Variants in POFUT4 observed in about 807,000 individuals in gnomAD.
POFUT4 encodes GDP-fucose protein O-fucosyltransferase 4.
the POFUT4 span, chr10:73,772,797 T>G: frequency 1.2e-6 from 2 of 1,611,546 alleles, no homozygotes; most frequent in Non-Finnish European, 1.7e-6. Flanking sequence ...AACAACTTCT[T>G]GCTGAGCCAC....
At chr10:73,776,494 C>A in the POFUT4 span, among the ~76,000 whole-genome samples, 1 of 151,802 alleles carries the variant, frequency 6.6e-6, no homozygotes, top group South Asian at 2.1e-4. Flanking sequence ...GAGTTTGAGA[C>A]CATCCTAGCA....
the POFUT4 span, among the ~76,000 whole-genome samples, chr10:73,777,648 C>G: frequency 1.3e-5 from 2 of 151,714 alleles, no homozygotes; most frequent in African/African-American, 2.4e-5. Context: ...TCTGCATTCC[C>G]AGTTCAAGTG....
the POFUT4 span, chr10:73,773,352 G>A: frequency 6.2e-7 from 1 of 1,614,184 alleles, no homozygotes; most frequent in Non-Finnish European, 8.5e-7. Context: ...CTACATGACA[G>A]AAAAACTGTG....
the POFUT4 span, chr10:73,773,172 T>A: frequency 6.3e-7 from 1 of 1,593,738 alleles, no homozygotes; most frequent in Non-Finnish European, 8.5e-7. Context: ...CATGACAGCC[T>A]TACTGTACCC....
the POFUT4 span, chr10:73,772,734 T>G: frequency 6.3e-7 from 1 of 1,596,848 alleles, no homozygotes; most frequent in Non-Finnish European, 8.5e-7. Context: ...GCCGCCCCGC[T>G]GCCGCGCCTG....
chr10:73,778,035 ATTTG>A, the POFUT4 span, among the ~76,000 whole-genome samples: 5 of 142,602 alleles, frequency 3.5e-5, no homozygotes, highest in Non-Finnish European at 7.7e-5. Context: ...ATTTTTTTGT[ATTTG>A]TTTTAGTAGA....
chr10:73,775,838 T>G, the POFUT4 span: 4 of 783,192 alleles, frequency 5.1e-6, no homozygotes, highest in African/African-American at 1.7e-5. Flanking sequence ...TTTATCTTAA[T>G]GATGAGTAGC....
chr10:73,777,176 C>T, the POFUT4 span, among the ~76,000 whole-genome samples: 2 of 152,072 alleles, frequency 1.3e-5, no homozygotes, highest in Non-Finnish European at 2.9e-5. Context: ...ATTGCCCTAT[C>T]CTCTTTTTGA....
the POFUT4 span, chr10:73,773,410 C>G: frequency 6.2e-7 from 1 of 1,614,244 alleles, no homozygotes; most frequent in Non-Finnish European, 8.5e-7. Context: ...GGTTCTCCCT[C>G]TGTGAGGGAC....
the POFUT4 span, chr10:73,779,941 C>CTTTT: frequency 6.6e-6 from 1 of 152,288 alleles, no homozygotes; most frequent in East Asian, 1.9e-4. Context: ...TACGTACTCA[C>CTTTT]AAAAGAGCAG....
the POFUT4 span, chr10:73,780,000 G>C: frequency 6.6e-6 from 1 of 152,200 alleles, no homozygotes; most frequent in Non-Finnish European, 1.5e-5. Context: ...ACCAGGAATA[G>C]CCACATGATA....
the POFUT4 span, chr10:73,772,372 A>G: frequency 1.9e-6 from 3 of 1,549,126 alleles, no homozygotes; most frequent in Non-Finnish European, 2.6e-6. Context: ...TGGTCCTTCT[A>G]GGGGTGCTCA....
the POFUT4 span, chr10:73,775,203 GA>G: frequency 1.6e-5 from 9 of 560,064 alleles, no homozygotes; most frequent in Non-Finnish European, 2.5e-5. Flanking sequence ...ATCATCTAAA[GA>G]CCCCTGCCCC....
chr10:73,775,495 A>G, the POFUT4 span: 1 of 1,614,200 alleles, frequency 6.2e-7, no homozygotes, highest in Admixed American at 1.7e-5. Context: ...CAGGACTCAT[A>G]ACTATGCTGC....
the POFUT4 span, chr10:73,773,552 G>A: frequency 6.2e-7 from 1 of 1,614,246 alleles, no homozygotes; most frequent in Non-Finnish European, 8.5e-7. Flanking sequence ...AGCAACCTGG[G>A]GGCATCACCA....
the POFUT4 span, chr10:73,772,361 T>G: frequency 9.8e-4 from 1,486 of 1,512,918 alleles, 16 homozygotes; most frequent in African/African-American, 0.017. Flanking sequence ...TAGGGTGGTG[T>G]TGGTCCTTCT....
the POFUT4 span, chr10:73,775,048 T>C: frequency 3.2e-5 from 7 of 219,722 alleles, no homozygotes; most frequent in Non-Finnish European, 4.6e-5. Flanking sequence ...GAACATAATA[T>C]GATTTACTAG....
the POFUT4 span, among the ~76,000 whole-genome samples, chr10:73,777,073 C>T: frequency 6.6e-6 from 1 of 152,178 alleles, no homozygotes; most frequent in Non-Finnish European, 1.5e-5. Context: ...ATCATTCTTA[C>T]TGCTGGTTTG....
chr10:73,778,793 C>G, the POFUT4 span: 2 of 152,140 alleles, frequency 1.3e-5, no homozygotes, highest in Non-Finnish European at 2.9e-5. Flanking sequence ...TCATAAATTA[C>G]AGAAAGTTTG....
Sources: gnomAD v4.1 joint callset for allele counts (sites outside exome capture counted in the v4.1 genomes callset) on GRCh38, gnomAD v4.1.1 for gene constraint, MANE v1.5 for transcripts, NCBI Gene and HGNC (gene_info 2026-07-23, HGNC 2026-07-21) for gene names.